Variants in HNRNPC observed in about 807,000 individuals in gnomAD.
The protein encoded by HNRNPC is heterogeneous nuclear ribonucleoproteins C1/C2.
In HNRNPC, 3 loss-of-function variants were observed where a neutral mutation model predicts 33.2. That is an observed-to-expected ratio of 0.09 (90% confidence interval 0.04 to 0.23). The LOEUF (loss-of-function observed/expected upper bound fraction) is 0.23. Among genes scored for constraint, HNRNPC ranks in the 10% least tolerant of loss-of-function variants. The pLI is 1.00. For missense variants in HNRNPC, 143 were observed against 366.7 expected, an observed-to-expected ratio of 0.39 and a Z score of 4.98; for synonymous variants, 121 against 126.7, an observed-to-expected ratio of 0.96 and a Z score of 0.30.
At chr14:21,223,903 C>T (rs1893130893) in intron 5 of HNRNPC, among the ~76,000 whole-genome samples, 1 of 152,122 alleles carries the variant, frequency 6.6e-6, no homozygotes, top group South Asian at 2.1e-4. Flanking sequence ...GTGAGCAAAT[C>T]CAAAACTTCC....
chr14:21,260,028 T>G (rs891640814), intron 2 of HNRNPC, among the ~76,000 whole-genome samples: 1 of 148,842 alleles, frequency 6.7e-6, no homozygotes, highest in Non-Finnish European at 1.5e-5. Context: ...TGAAACCCCG[T>G]CTCTACTAAA....
intron 2 of HNRNPC, among the ~76,000 whole-genome samples, chr14:21,260,547 G>A (rs1221554903): frequency 5.9e-5 from 9 of 151,396 alleles, no homozygotes; most frequent in East Asian, 3.9e-4. Context: ...CGCTGGGTGC[G>A]GCAGCTCACA....
At chr14:21,251,790 A>T (rs1315460991) in intron 2 of HNRNPC, among the ~76,000 whole-genome samples, 2 of 152,362 alleles carry the variant, frequency 1.3e-5, no homozygotes, top group African/African-American at 4.8e-5. Context: ...ATATTTCTGC[A>T]GGAATACATA....
intron 2 of HNRNPC, among the ~76,000 whole-genome samples, chr14:21,258,922 G>A (rs971851843): frequency 5.9e-5 from 9 of 152,066 alleles, no homozygotes; most frequent in African/African-American, 2.2e-4. Context: ...CAAACTTACT[G>A]CCCTACTTGC....
intron 1 of HNRNPC, among the ~76,000 whole-genome samples, chr14:21,268,350 C>T (rs1397424979): frequency 1.3e-5 from 2 of 152,046 alleles, no homozygotes; most frequent in Non-Finnish European, 2.9e-5. Flanking sequence ...TAGGAAGTTA[C>T]GTTAAAAAAT....
At position 21,265,871 on chromosome 14, in the gene HNRNPC, C is replaced by T. The variant is rs115239229; in HGVS notation, c.-62-2535G>A. ...TCAAAACCTGCCTGAGGTTTGGATC[C>T]CTTCTTCTAAAGGGGCACCTCTCAG... On this transcript the variant is annotated intron_variant, in intron 1 of 8. Coordinates refer to ENST00000553300, the MANE Select transcript of HNRNPC (RefSeq NM_004500.4). 5.9e-3 allele frequency among the ~76,000 whole-genome samples: 902 copies of T among 152,226 alleles called. 14 individuals carry two copies. Among genetic ancestry groups the T allele is most frequent in the African/African-American group, 0.021 (869 of 41,534 alleles).
chr14:21,254,916 T>G (rs1362158035), intron 2 of HNRNPC, among the ~76,000 whole-genome samples: 5 of 138,142 alleles, frequency 3.6e-5, no homozygotes, highest in Non-Finnish European at 7.6e-5. Flanking sequence ...AGCGAGACTC[T>G]AGTCTCAAAA....
chr14:21,215,532 T>C (rs1426287752), intron 5 of HNRNPC, among the ~76,000 whole-genome samples: 2 of 152,228 alleles, frequency 1.3e-5, no homozygotes, highest in African/African-American at 4.8e-5. Context: ...TCAAACTTGA[T>C]GGTGTTGGTA....
intron 2 of HNRNPC, among the ~76,000 whole-genome samples, chr14:21,237,255 T>G (rs972775260): frequency 1.3e-5 from 2 of 152,246 alleles, no homozygotes; most frequent in Non-Finnish European, 2.9e-5. Flanking sequence ...ACTTTCTCAC[T>G]TTTAAAATAA....
At chr14:21,233,822 T>C in intron 3 of HNRNPC, 131 bp downstream of exon 3, 1 of 1,155,558 alleles carries the variant, frequency 8.7e-7, no homozygotes, top group Non-Finnish European at 1.2e-6. Context: ...CTAATGTATT[T>C]TTATTAGGCT....
At chr14:21,230,798 T>A (rs1894029379) in intron 4 of HNRNPC, 199 bp downstream of exon 4, 1 of 565,934 alleles carries the variant, frequency 1.8e-6, no homozygotes, top group Admixed American at 3.5e-5. Context: ...CTAGAAATTT[T>A]CTCTAGGGCA....
chr14:21,263,424 T>C (rs1420520137), intron 1 of HNRNPC, 88 bp from the exon 2 acceptor site: 1 of 152,388 alleles, frequency 6.6e-6, no homozygotes, highest in Non-Finnish European at 1.5e-5. Context: ...TTCTTTTCTC[T>C]TTCCAAAAGC....
intron 5 of HNRNPC, among the ~76,000 whole-genome samples, chr14:21,216,213 G>C (rs747823266): frequency 1.3e-5 from 2 of 151,816 alleles, no homozygotes; most frequent in African/African-American, 2.4e-5. Context: ...GTTTTCAAAG[G>C]GAAGCTTCTT....
At chr14:21,230,450 T>G (rs945431197) in intron 4 of HNRNPC, 84 bp from the exon 5 acceptor site, 8 of 909,550 alleles carry the variant, frequency 8.8e-6, no homozygotes, top group Non-Finnish European at 1.1e-5. Context: ...CCATGCCAAA[T>G]AAACCACAAC....
In HNRNPC at chr14:21,213,077, T is replaced by G; in HGVS notation, c.406A>C (p.Ile136Leu). 1 of 1,612,930 alleles carries G rather than the reference T, an allele frequency of 6.2e-7. No homozygotes were observed. The highest frequency in any genetic ancestry group is 8.5e-7 in the Non-Finnish European group (1 of 1,178,990). Reference protein sequence around the residue: ...YPARVPPPPPIARAVVPSKRQ... With the variant: ...YPARVPPPPPLARAVVPSKRQ... ...TTCGAGGGCACTACAGCCCGAGCAATAGGAGGAGGAGGAGGTACACGTGCT... is the reference window on the plus strand; with the variant it reads ...TTCGAGGGCACTACAGCCCGAGCAAGAGGAGGAGGAGGAGGTACACGTGCT... Residue 136 changes from isoleucine (I) to leucine (L), a missense_variant, in exon 6 of 9, where the codon ATT becomes CTT. Transcript: ENST00000553300.
chr14:21,242,062 T>C (rs1294223766), intron 2 of HNRNPC, among the ~76,000 whole-genome samples: 1 of 152,100 alleles, frequency 6.6e-6, no homozygotes, highest in Non-Finnish European at 1.5e-5. Context: ...ATACAAATCG[T>C]GTAAAACTGC....
At chr14:21,234,349 G>GTCCCTTTAAGTT in intron 2 of HNRNPC, 120 bp from the exon 3 acceptor site, 1 of 772,764 alleles carries the variant, frequency 1.3e-6, no homozygotes, top group Non-Finnish European at 2.0e-6. Context: ...GCAACTTAAA[G>GTCCCTTTAAGTT]GGACTCACAG....
intron 3 of HNRNPC, among the ~76,000 whole-genome samples, chr14:21,233,637 G>A (rs974477999): frequency 1.3e-5 from 2 of 152,136 alleles, no homozygotes; most frequent in Non-Finnish European, 2.9e-5. Flanking sequence ...ATCAACACTA[G>A]AGGGCTCCTC....
chr14:21,229,654 C>T (rs1430023359), intron 5 of HNRNPC, among the ~76,000 whole-genome samples: 1 of 152,190 alleles, frequency 6.6e-6, no homozygotes, highest in African/African-American at 2.4e-5. Flanking sequence ...TTACAACTCC[C>T]ATGCATGACT....
Sources: gnomAD v4.1 joint callset for allele counts (sites outside exome capture counted in the v4.1 genomes callset) on GRCh38, gnomAD v4.1.1 for gene constraint, MANE v1.5 for transcripts, NCBI Gene and HGNC (gene_info 2026-07-23, HGNC 2026-07-21) for gene names.